Variants in RBFOX3 observed in about 807,000 individuals in gnomAD.
RBFOX3 encodes the protein RNA binding fox-1 homolog 3.
A neutral mutation model predicts 48.7 loss-of-function variants in RBFOX3; 17 were observed. The ratio of observed to expected loss-of-function variants is 0.35; its 90% confidence interval spans 0.24 to 0.52. RBFOX3 has a LOEUF of 0.52. Ranked by LOEUF, RBFOX3 falls within the 20% of genes least tolerant of loss-of-function variation. The pLI is 0.94. For missense variants in RBFOX3, 382 were observed against 497.5 expected, an observed-to-expected ratio of 0.77 and a Z score of 2.21; for synonymous variants, 212 against 209.5, an observed-to-expected ratio of 1.01 and a Z score of -0.10.
At chr17:79,534,800 C>A (rs1365653680) in intron 1 of RBFOX3, among the ~76,000 whole-genome samples, 4 of 152,174 alleles carry the variant, frequency 2.6e-5, no homozygotes, top group African/African-American at 7.2e-5. Context: ...TCTCAATGTG[C>A]TTTAGGGAAG....
chr17:79,611,826 C>T (rs1241964019), upstream of RBFOX3, among the ~76,000 whole-genome samples: 2 of 152,230 alleles, frequency 1.3e-5, no homozygotes, highest in East Asian at 3.9e-4. Flanking sequence ...TTGGCCAACC[C>T]AACCCATTTA....
chr17:79,499,194 A>C (rs189825602), intron 1 of RBFOX3, among the ~76,000 whole-genome samples: 5 of 150,788 alleles, frequency 3.3e-5, no homozygotes, highest in African/African-American at 1.2e-4. Context: ...TCATCTATTC[A>C]TCCAATCATA....
chr17:79,533,609 G>C, intron 1 of RBFOX3, among the ~76,000 whole-genome samples: 1 of 152,248 alleles, frequency 6.6e-6, no homozygotes, highest in East Asian at 1.9e-4. Context: ...ATGAGGCATA[G>C]ATACCCCGCG....
chr17:79,582,762 G>A (rs979263726), intron 1 of RBFOX3, among the ~76,000 whole-genome samples: 55 of 111,978 alleles, frequency 4.9e-4, no homozygotes, highest in African/African-American at 1.8e-3. Context: ...CAGCCTGGGA[G>A]ACAGAGCAAG....
At chr17:79,348,280 C>T (rs1265514635) in intron 2 of RBFOX3, among the ~76,000 whole-genome samples, 2 of 152,210 alleles carry the variant, frequency 1.3e-5, no homozygotes, top group African/African-American at 4.8e-5. Flanking sequence ...CCTGCATAGC[C>T]ACAGGTATAG....
intron 1 of RBFOX3, among the ~76,000 whole-genome samples, chr17:79,488,364 CG>C (rs11288238): frequency 0.92 from 139,528 of 152,082 alleles, 64,498 homozygotes; most frequent in Non-Finnish European, 0.97. Context: ...ACCCCCTCCC[CG>C]GGGCCTACTG....
At position 79,421,887 on chromosome 17, in the gene RBFOX3, C is replaced by A. The variant is rs552403556; in HGVS notation, c.-175+60567G>T. Among the ~76,000 whole-genome samples the A allele has an allele frequency of 1.3e-5, 2 of 152,214 alleles. No homozygotes were observed. Among genetic ancestry groups the A allele is most frequent in the South Asian group, 4.1e-4 (2 of 4,826 alleles). On this transcript the variant is annotated intron_variant, in intron 2 of 14. Transcript: ENST00000693108. The surrounding 1 kb of genome is among the most constrained non-coding windows in gnomAD (Gnocchi z 4.5). ...GAGGCTCATGGGTTCCAGGAACCCA[C>A]GCCCCACCCCAAGCTGCCCGGTCCT... is the stretch of plus-strand genomic sequence containing the variant.
chr17:79,605,401 T>C (rs1476798348), intron 1 of RBFOX3, among the ~76,000 whole-genome samples: 3 of 152,150 alleles, frequency 2.0e-5, no homozygotes, highest in East Asian at 3.9e-4. Context: ...AGGGCTAAAA[T>C]AGACATACCC....
At chr17:79,120,113 G>C (rs1354707668) in intron 4 of RBFOX3, among the ~76,000 whole-genome samples, 1 of 152,138 alleles carries the variant, frequency 6.6e-6, no homozygotes. Context: ...GCTGGGCTAT[G>C]GGGCTTATCT....
At chr17:79,092,067 C>T (rs576199172) in intron 14 of RBFOX3, 1 of 985,478 alleles carries the variant, frequency 1.0e-6, no homozygotes, top group Admixed American at 6.1e-5. Flanking sequence ...GCCGGGGAGA[C>T]CCACACTGGG....
chr17:79,625,293 C>G, the RBFOX3 span, among the ~76,000 whole-genome samples: 4 of 152,254 alleles, frequency 2.6e-5, no homozygotes, highest in African/African-American at 9.6e-5. Context: ...GCTGCCTTCC[C>G]TCAGCACCAT....
intron 2 of RBFOX3, among the ~76,000 whole-genome samples, chr17:79,343,607 C>G (rs2082428166): frequency 6.6e-6 from 1 of 152,158 alleles, no homozygotes. Flanking sequence ...CACCACCAGA[C>G]CAAGGGCATC....
intron 2 of RBFOX3, among the ~76,000 whole-genome samples, chr17:79,309,335 G>C (rs947634744): frequency 1.3e-5 from 2 of 148,748 alleles, no homozygotes; most frequent in African/African-American, 4.9e-5. Flanking sequence ...CCTCTCCTGA[G>C]CCTTCCTCTC....
At chr17:79,310,095 G>T (rs2076640893) in intron 2 of RBFOX3, among the ~76,000 whole-genome samples, 1 of 152,164 alleles carries the variant, frequency 6.6e-6, no homozygotes, top group Admixed American at 6.5e-5. Flanking sequence ...CAGGGAATGA[G>T]GAATGAGGGA....
chr17:79,377,101 A>G (rs1397709428), intron 2 of RBFOX3, among the ~76,000 whole-genome samples: 4 of 152,150 alleles, frequency 2.6e-5, no homozygotes, highest in African/African-American at 9.7e-5. Context: ...CCCTCCTTCT[A>G]GAGACTCCTT....
chr17:79,368,624 C>A (rs116628761), intron 2 of RBFOX3, among the ~76,000 whole-genome samples: 2,058 of 152,278 alleles, frequency 0.014, 48 homozygotes, highest in African/African-American at 0.047. Context: ...TTGTTACCAT[C>A]CGAGAAGGTG....
At chr17:79,138,582 G>A (rs1435803868) in intron 4 of RBFOX3, among the ~76,000 whole-genome samples, 3 of 149,702 alleles carry the variant, frequency 2.0e-5, no homozygotes, top group East Asian at 3.9e-4. Context: ...CATTACACCT[G>A]TATGGTGATG....
intron 4 of RBFOX3, among the ~76,000 whole-genome samples, chr17:79,170,451 G>C (rs547713854): frequency 1.3e-5 from 2 of 152,246 alleles, no homozygotes; most frequent in Admixed American, 1.3e-4. Flanking sequence ...TCTCCATCAG[G>C]GAGCCACGGC....
rs537247876 is a variant in RBFOX3, at chr17:79,549,349, G to A, written c.-320+61477C>T. Among the ~76,000 whole-genome samples, 16 of 152,334 alleles carry A rather than the reference G, an allele frequency of 1.1e-4. No individual in the cohort carries two copies. The South Asian group carries it at 1.9e-3, about 18-fold the overall frequency. ...CCACTCCTCTGGGGCTCATCCGTCC[G>A]GCACAACCCCAGGAATGAGCAGATG... On this transcript the variant is annotated intron_variant, in intron 1 of 14. Coordinates refer to ENST00000693108, the MANE Select transcript of RBFOX3 (RefSeq NM_001350451.2).
Sources: gnomAD v4.1 joint callset for allele counts (sites outside exome capture counted in the v4.1 genomes callset) on GRCh38, gnomAD v4.1.1 for gene constraint, Gnocchi (gnomAD v3.1) non-coding constraint, MANE v1.5 for transcripts, NCBI Gene and HGNC (gene_info 2026-07-23, HGNC 2026-07-21) for gene names.